ANKRD44: variants seen among roughly 807,000 people sequenced by gnomAD.
ANKRD44 encodes the protein serine/threonine-protein phosphatase 6 regulatory ankyrin repeat subunit B.
Under a neutral mutation model 116.0 loss-of-function variants are expected in ANKRD44, and 35 were observed. The observed-to-expected ratio is 0.30, with a 90% CI of 0.23 to 0.40. The LOEUF is 0.40. Ranked by LOEUF, ANKRD44 falls within the 10% of genes least tolerant of loss-of-function variation. The probability of loss-of-function intolerance (pLI) is 1.00; values close to 1 mark genes in which losing one functional copy is unlikely to be tolerated. For missense variants in ANKRD44, 1,014 were observed against 1,242.6 expected (o/e 0.82, Z 2.77); for synonymous variants, 435 against 461.8 (o/e 0.94, Z 0.74).
intron 15 of ANKRD44, among the ~76,000 whole-genome samples, chr2:197,081,353 T>G (rs576767060): frequency 2.0e-5 from 3 of 152,224 alleles, no homozygotes; most frequent in Non-Finnish European, 2.9e-5. Flanking sequence ...CCTTGGTACA[T>G]GATGCATCGC....
intron 1 of ANKRD44, among the ~76,000 whole-genome samples, chr2:197,194,059 T>C (rs1343690395): frequency 6.6e-6 from 1 of 151,940 alleles, no homozygotes; most frequent in Non-Finnish European, 1.5e-5. Context: ...AAAGGAAAAA[T>C]AAGAGATCTT....
intron 1 of ANKRD44, among the ~76,000 whole-genome samples, chr2:197,197,203 G>A (rs563237135): frequency 2.1e-4 from 32 of 152,186 alleles, no homozygotes; most frequent in African/African-American, 7.0e-4. Flanking sequence ...CAAAATCATG[G>A]TAAGGACATC....
Position 196,987,058 on chromosome 2 carries a change from C to T in ANKRD44, c.*2533G>A. On this transcript the variant is annotated 3_prime_UTR_variant, in exon 28 of 28. Coordinates refer to ENST00000282272, the MANE Select transcript of ANKRD44 (RefSeq NM_001195144.2). Reference sequence around the variant, plus strand: ...GCATAAAATATGTAGACAAAACTACCAAATAAAAGATATTTGCATTGAATT... The same window carrying T: ...GCATAAAATATGTAGACAAAACTACTAAATAAAAGATATTTGCATTGAATT... 4 of 984,856 alleles carry T rather than the reference C, an allele frequency of 4.1e-6. No homozygotes were observed. Among genetic ancestry groups the T allele is most frequent in the Non-Finnish European group, 4.8e-6 (4 of 829,480 alleles). 61.0% of individuals were successfully genotyped at this position (984,856 alleles called of 1,614,324 possible).
chr2:197,122,379 T>A (rs2078876517), intron 7 of ANKRD44, among the ~76,000 whole-genome samples: 1 of 152,192 alleles, frequency 6.6e-6, no homozygotes, highest in East Asian at 1.9e-4. Context: ...GGCCAGTCTT[T>A]AAGAACAACT....
chr2:197,284,964 T>C (rs1163188129), intron 1 of ANKRD44, among the ~76,000 whole-genome samples: 1 of 151,644 alleles, frequency 6.6e-6, no homozygotes, highest in Non-Finnish European at 1.5e-5. Flanking sequence ...AATAGAAATA[T>C]ATCTTCTGCT....
At chr2:197,298,534 T>C (rs1348941242) in intron 1 of ANKRD44, among the ~76,000 whole-genome samples, 3 of 151,840 alleles carry the variant, frequency 2.0e-5, no homozygotes, top group East Asian at 3.9e-4. Context: ...CAAGCGAGAG[T>C]GGAGGCCTTA....
chr2:197,154,826 G>T (rs2079766643), intron 2 of ANKRD44, among the ~76,000 whole-genome samples: 1 of 152,076 alleles, frequency 6.6e-6, no homozygotes. Flanking sequence ...GCAAATCTCT[G>T]TCCCAACATG....
chr2:196,986,406 AAAAACAAAACAAAAC>A (rs57186025), downstream of ANKRD44, among the ~76,000 whole-genome samples: 1 of 151,932 alleles, frequency 6.6e-6, no homozygotes, highest in East Asian at 1.9e-4. Flanking sequence ...CAGAGCAGAA[AAAAACAAAACAAAAC>A]AAAACAAAAC....
intron 2 of ANKRD44, among the ~76,000 whole-genome samples, chr2:197,165,197 G>A (rs556534691): frequency 1.1e-3 from 165 of 152,302 alleles, no homozygotes; most frequent in African/African-American, 3.9e-3. Context: ...TCGAAAGACT[G>A]AGCAAATTCC....
At chr2:197,213,981 A>G (rs1009310006) in intron 1 of ANKRD44, among the ~76,000 whole-genome samples, 24 of 152,342 alleles carry the variant, frequency 1.6e-4, no homozygotes, top group African/African-American at 3.8e-4. Context: ...CTCTAATGCT[A>G]TGTGAATTTT....
chr2:197,160,325 A>AT (rs990478040), intron 2 of ANKRD44, among the ~76,000 whole-genome samples: 58 of 152,226 alleles, frequency 3.8e-4, no homozygotes, highest in African/African-American at 1.3e-3. Context: ...GCTTATCCCA[A>AT]TTTTTTTAGT....
intron 2 of ANKRD44, among the ~76,000 whole-genome samples, chr2:197,168,563 G>A (rs986870234): frequency 6.6e-5 from 10 of 152,126 alleles, no homozygotes; most frequent in African/African-American, 1.9e-4. Flanking sequence ...TCACTTTGCT[G>A]TCCCCTGCGA....
At chr2:197,187,643 A>AG (rs1208451277) in intron 1 of ANKRD44, among the ~76,000 whole-genome samples, 2 of 100,978 alleles carry the variant, frequency 2.0e-5, no homozygotes, top group Non-Finnish European at 3.9e-5. Flanking sequence ...TCACGTTCTC[A>AG]TTCTCTCTCT....
At chr2:197,093,665 T>C (rs1453049588) in intron 10 of ANKRD44, among the ~76,000 whole-genome samples, 1 of 152,198 alleles carries the variant, frequency 6.6e-6, no homozygotes, top group African/African-American at 2.4e-5. Context: ...AAAAGCAGAA[T>C]TCAGTGTCTC....
chr2:197,068,208 T>G (rs1574391852), intron 16 of ANKRD44, among the ~76,000 whole-genome samples: 1 of 76,044 alleles, frequency 1.3e-5, no homozygotes, highest in African/African-American at 5.3e-5. Flanking sequence ...CTGGGGACTG[T>G]GGTGGGGTCG....
At chr2:197,263,897 T>C (rs1260813879) in intron 1 of ANKRD44, among the ~76,000 whole-genome samples, 1 of 152,022 alleles carries the variant, frequency 6.6e-6, no homozygotes, top group African/African-American at 2.4e-5. Flanking sequence ...GAAAATTAAT[T>C]ATGTGATTGA....
chr2:197,160,647 AT>A (rs2125495596), intron 2 of ANKRD44, among the ~76,000 whole-genome samples: 1 of 152,270 alleles, frequency 6.6e-6, no homozygotes, highest in East Asian at 1.9e-4. Context: ...CCCTGGTAGA[AT>A]CCCCTAAAAC....
intron 8 of ANKRD44, among the ~76,000 whole-genome samples, chr2:197,113,458 A>T (rs1382802729): frequency 2.0e-5 from 3 of 152,200 alleles, no homozygotes; most frequent in Non-Finnish European, 4.4e-5. Flanking sequence ...ATATGAAACC[A>T]TAAGTAATTA....
At chr2:197,236,219 C>G (rs1349723232) in intron 1 of ANKRD44, among the ~76,000 whole-genome samples, 3 of 152,172 alleles carry the variant, frequency 2.0e-5, no homozygotes, top group African/African-American at 7.2e-5. Context: ...CACTTCTCCT[C>G]TCCTGCAGCC....
Sources: allele counts gnomAD v4.1 joint callset (sites outside exome capture counted in the v4.1 genomes callset), GRCh38; gene constraint gnomAD v4.1.1; transcripts MANE v1.5; gene names NCBI Gene and HGNC (gene_info 2026-07-23, HGNC 2026-07-21).